The following ZNF423 variants were observed in gnomAD, a reference collection of about 807,000 sequenced individuals.
The protein encoded by ZNF423 is Ebf-associated zinc finger protein.
A neutral mutation model predicts 95.8 loss-of-function variants in ZNF423; 12 were observed. The observed-to-expected ratio is 0.13, with a 90% CI of 0.08 to 0.20. The LOEUF is 0.20. Among genes scored for constraint, ZNF423 ranks in the 10% least tolerant of loss-of-function variants. The probability of loss-of-function intolerance (pLI) is 1.00; values close to 1 mark genes in which losing one functional copy is unlikely to be tolerated. For synonymous variants in ZNF423, 749 were observed against 711.9 expected (o/e 1.05, Z -0.83); for missense variants, 1,316 against 1,737.1 (o/e 0.76, Z 4.31).
intron 3 of ZNF423, chr16:49,664,254 C>T (rs1237416011): frequency 2.7e-5 from 27 of 985,454 alleles, no homozygotes; most frequent in Non-Finnish European, 3.0e-5. Context: ...CATCCCCACC[C>T]GGCCGCCTGG....
chr16:49,634,733 A>G (rs915255470), intron 4 of ZNF423, among the ~76,000 whole-genome samples: 3 of 152,094 alleles, frequency 2.0e-5, no homozygotes, highest in African/African-American at 4.8e-5. Flanking sequence ...CACAGACTCA[A>G]TGGGAACCCC....
chr16:49,500,197 A>G (rs966824746), intron 7 of ZNF423, among the ~76,000 whole-genome samples: 1 of 152,000 alleles, frequency 6.6e-6, no homozygotes, highest in Admixed American at 6.6e-5. Flanking sequence ...TGTGACCCCC[A>G]CCTACTGCTG....
At position 49,501,945 on chromosome 16, in the gene ZNF423, G is replaced by A. The variant is rs139407063; in HGVS notation, c.3850-10641C>T. On this transcript the variant is annotated intron_variant, in intron 7 of 7. Coordinates refer to ENST00000563137, the MANE Select transcript of ZNF423 (RefSeq NM_001379286.1). ...ATGAGGTACTATGTTCATGACCTGG[G>A]TGATGCATTCAGTCATACCCCAAAC... Among the ~76,000 whole-genome samples the A allele has an allele frequency of 5.1e-3, 783 of 152,292 alleles. 7 individuals carry two copies. Among genetic ancestry groups the A allele is most frequent in the Non-Finnish European group, 8.3e-3 (563 of 68,026 alleles).
At chr16:49,529,532 G>C (rs964327994) in intron 5 of ZNF423, among the ~76,000 whole-genome samples, 6 of 152,200 alleles carry the variant, frequency 3.9e-5, no homozygotes, top group African/African-American at 9.6e-5. Context: ...GCCCAAAAGA[G>C]GAGCAGAGGG....
At chr16:49,740,976 T>C (rs1596953771) in intron 2 of ZNF423, among the ~76,000 whole-genome samples, 2 of 152,154 alleles carry the variant, frequency 1.3e-5, no homozygotes, top group African/African-American at 4.8e-5. Context: ...CCACCAGACC[T>C]ATTTTACAGA....
chr16:49,796,781 G>A (rs1011032569), intron 1 of ZNF423, among the ~76,000 whole-genome samples: 5 of 152,174 alleles, frequency 3.3e-5, no homozygotes, highest in Admixed American at 6.5e-5. Context: ...CTTGAAGGCT[G>A]GAAGAAGGCT....
At chr16:49,560,094 A>G (rs1479110568) in intron 5 of ZNF423, among the ~76,000 whole-genome samples, 2 of 152,160 alleles carry the variant, frequency 1.3e-5, no homozygotes, top group East Asian at 1.9e-4. Context: ...TGATTCTGCT[A>G]TCTCACAAGC....
intron 3 of ZNF423, among the ~76,000 whole-genome samples, chr16:49,695,907 C>T (rs1403034029): frequency 6.6e-6 from 1 of 152,222 alleles, no homozygotes; most frequent in East Asian, 1.9e-4. Context: ...CCAATGCATC[C>T]TCCCTACAAC....
chr16:49,781,233 G>T (rs2034207248), intron 2 of ZNF423, among the ~76,000 whole-genome samples: 1 of 152,158 alleles, frequency 6.6e-6, no homozygotes, highest in Non-Finnish European at 1.5e-5. Context: ...GAAAAAAAAA[G>T]ACCACCCACA....
At chr16:49,802,821 T>C (rs1255092751) in intron 1 of ZNF423, among the ~76,000 whole-genome samples, 1 of 152,246 alleles carries the variant, frequency 6.6e-6, no homozygotes, top group Admixed American at 6.5e-5. Context: ...AACTAGGGAA[T>C]ACATGTGAGT....
intron 7 of ZNF423, among the ~76,000 whole-genome samples, chr16:49,510,843 C>T (rs1041967534): frequency 6.6e-6 from 1 of 152,204 alleles, no homozygotes; most frequent in Non-Finnish European, 1.5e-5. Context: ...GGGAGGGGTT[C>T]GGCTCGCCAC....
At chr16:49,595,146 G>T (rs1033785411) in intron 5 of ZNF423, among the ~76,000 whole-genome samples, 1 of 152,108 alleles carries the variant, frequency 6.6e-6, no homozygotes, top group African/African-American at 2.4e-5. Flanking sequence ...AGGTGGGGGT[G>T]GGGGGGTCTC....
intron 3 of ZNF423, among the ~76,000 whole-genome samples, chr16:49,687,983 A>T (rs796765517): frequency 6.6e-6 from 1 of 151,866 alleles, no homozygotes. Context: ...CCCTCCCAAA[A>T]AACAGCCAGA....
chr16:49,598,621 T>A (rs911242088), intron 5 of ZNF423, among the ~76,000 whole-genome samples: 2 of 152,214 alleles, frequency 1.3e-5, no homozygotes, highest in African/African-American at 2.4e-5. Flanking sequence ...CATTCCACTG[T>A]ACAGGAAACT....
intron 5 of ZNF423, among the ~76,000 whole-genome samples, chr16:49,544,120 A>T (rs893782697): frequency 6.6e-6 from 1 of 152,182 alleles, no homozygotes; most frequent in Non-Finnish European, 1.5e-5. Context: ...AACAAATGCC[A>T]GGTATTGTGC....
chr16:49,785,585 C>A (rs1411102072), intron 2 of ZNF423, among the ~76,000 whole-genome samples: 1 of 152,186 alleles, frequency 6.6e-6, no homozygotes, highest in Non-Finnish European at 1.5e-5. Flanking sequence ...TTATGAAAAT[C>A]CAGCTTTCTG....
At chr16:49,787,474 G>A (rs1001228355) in intron 2 of ZNF423, among the ~76,000 whole-genome samples, 14 of 152,088 alleles carry the variant, frequency 9.2e-5, no homozygotes, top group African/African-American at 1.7e-4. Context: ...CACAAGGAGT[G>A]TGCATCCTCC....
At chr16:49,498,742 C>G (rs1221174903) in intron 7 of ZNF423, among the ~76,000 whole-genome samples, 1 of 152,150 alleles carries the variant, frequency 6.6e-6, no homozygotes, top group African/African-American at 2.4e-5. Flanking sequence ...AGCCCTGCCT[C>G]CCCTATCTGC....
intron 5 of ZNF423, among the ~76,000 whole-genome samples, chr16:49,608,555 C>T (rs1281803588): frequency 6.6e-6 from 1 of 152,150 alleles, no homozygotes; most frequent in Non-Finnish European, 1.5e-5. Context: ...TTCAGAAAGG[C>T]AGAGAGAAGA....
Sources: allele counts gnomAD v4.1 joint callset (sites outside exome capture counted in the v4.1 genomes callset), GRCh38; gene constraint gnomAD v4.1.1; transcripts MANE v1.5; gene names NCBI Gene and HGNC (gene_info 2026-07-23, HGNC 2026-07-21).